IL1RAP: variants seen among roughly 807,000 people sequenced by gnomAD.
The protein encoded by IL1RAP is interleukin-1 receptor accessory protein.
In IL1RAP, 35 loss-of-function variants were observed where a neutral mutation model predicts 60.7. The observed-to-expected ratio is 0.58, with a 90% CI of 0.44 to 0.76. IL1RAP has a LOEUF of 0.76. Ranked by LOEUF, IL1RAP falls within the 30% of genes least tolerant of loss-of-function variation. The pLI, the probability that IL1RAP is intolerant of heterozygous loss-of-function variation, is 0.00. For synonymous variants in IL1RAP, 268 were observed against 250.9 expected, an observed-to-expected ratio of 1.07 and a Z score of -0.64; for missense variants, 572 against 693.9, an observed-to-expected ratio of 0.82 and a Z score of 1.97.
At position 190,620,869 on chromosome 3, in the gene IL1RAP, A is replaced by G. The variant is rs530317299; in HGVS notation, c.703+429A>G. Among the ~76,000 whole-genome samples the G allele has an allele frequency of 2.6e-5, 4 of 152,354 alleles. No individual in the cohort carries two copies. The East Asian group carries it at 7.7e-4, about 29-fold the overall frequency. On this transcript the variant is annotated intron_variant, in intron 6 of 11. Coordinates refer to ENST00000447382, the MANE Select transcript of IL1RAP (RefSeq NM_002182.4). ...GAGACTCAGTGCAACACTTTTGTCA[A>G]AAGAATGTTTTACTTGGATTAAGTA...
intron 9 of IL1RAP, among the ~76,000 whole-genome samples, chr3:190,632,502 CAAAT>C (rs1396053840): frequency 1.3e-5 from 2 of 152,190 alleles, no homozygotes; most frequent in Admixed American, 6.5e-5. Flanking sequence ...ATATATATCT[CAAAT>C]AAAAGTCCTG....
intron 3 of IL1RAP, among the ~76,000 whole-genome samples, chr3:190,570,307 A>G (rs1726800029): frequency 6.6e-6 from 1 of 152,232 alleles, no homozygotes; most frequent in Non-Finnish European, 1.5e-5. Context: ...GGGAATAATG[A>G]AAATGCAAGA....
chr3:190,541,722 A>C (rs1183039574), intron 1 of IL1RAP, among the ~76,000 whole-genome samples: 2 of 152,138 alleles, frequency 1.3e-5, no homozygotes, highest in Non-Finnish European at 2.9e-5. Context: ...ATTCATCCCC[A>C]GAATTTTTCA....
At chr3:190,655,824 A>G, downstream of IL1RAP, 1 of 1,187,890 alleles carries the variant, frequency 8.4e-7, no homozygotes, top group Non-Finnish European at 1.2e-6. Flanking sequence ...GAGGATGGAC[A>G]ATAACGAACT....
chr3:190,654,190 TCACACACACACACA>T (rs57074064), downstream of IL1RAP, among the ~76,000 whole-genome samples: 41 of 140,510 alleles, frequency 2.9e-4, no homozygotes, highest in Non-Finnish European at 4.8e-4. Flanking sequence ...AAACATCATA[TCACACACACACACA>T]CACACACACA....
intron 3 of IL1RAP, among the ~76,000 whole-genome samples, chr3:190,595,996 C>T (rs568736732): frequency 6.6e-6 from 1 of 152,314 alleles, no homozygotes; most frequent in African/African-American, 2.4e-5. Flanking sequence ...AACTCTCACA[C>T]AGCACTGTAA....
intron 3 of IL1RAP, among the ~76,000 whole-genome samples, chr3:190,565,156 C>G (rs2241344): frequency 0.23 from 33,899 of 150,588 alleles, 4,879 homozygotes; most frequent in African/African-American, 0.42. Flanking sequence ...CTTGGTTCAA[C>G]TGTAGGACTG....
intron 5 of IL1RAP, among the ~76,000 whole-genome samples, chr3:190,611,552 T>C (rs1730827207): frequency 6.6e-6 from 1 of 152,142 alleles, no homozygotes; most frequent in South Asian, 2.1e-4. Context: ...AGCATGCATA[T>C]ATAGGTGAAA....
intron 3 of IL1RAP, chr3:190,564,664 G>GAAAAAAAAAAA: frequency 6.7e-6 from 2 of 299,176 alleles, no homozygotes; most frequent in Non-Finnish European, 1.3e-5. Context: ...TCCTATGGGG[G>GAAAAAAAAAAA]AAAAATGGGA....
chr3:190,548,709 G>A (rs996998914), intron 1 of IL1RAP, among the ~76,000 whole-genome samples: 4 of 152,176 alleles, frequency 2.6e-5, no homozygotes, highest in Non-Finnish European at 5.9e-5. Flanking sequence ...TTTAGAAAAG[G>A]AATAGTTTAT....
At chr3:190,654,496 G>A (rs1367756348), downstream of IL1RAP, among the ~76,000 whole-genome samples, 2 of 152,120 alleles carry the variant, frequency 1.3e-5, no homozygotes, top group Non-Finnish European at 2.9e-5. Context: ...GAAACAAAAT[G>A]TCTCTAAAAA....
At chr3:190,534,834 CA>C (rs147106909) in intron 1 of IL1RAP, among the ~76,000 whole-genome samples, 1,719 of 149,542 alleles carry the variant, frequency 0.011, 35 homozygotes, top group African/African-American at 0.041. Flanking sequence ...AATAGTGTTC[CA>C]AATAACATTA....
At chr3:190,542,975 C>CA (rs1395421262) in intron 1 of IL1RAP, among the ~76,000 whole-genome samples, 1 of 145,562 alleles carries the variant, frequency 6.9e-6, no homozygotes, top group Admixed American at 7.2e-5. Context: ...TTAAATCAGA[C>CA]ATGTGAATCC....
intron 2 of IL1RAP, chr3:190,563,422 C>A (rs1430319796): frequency 6.6e-6 from 1 of 152,120 alleles, no homozygotes; most frequent in African/African-American, 2.4e-5. Context: ...GTATTTATAA[C>A]CCACAGAGGT....
At chr3:190,529,288 C>T (rs1032867118) in intron 1 of IL1RAP, among the ~76,000 whole-genome samples, 8 of 151,980 alleles carry the variant, frequency 5.3e-5, no homozygotes, top group East Asian at 3.9e-4. Context: ...CTGTAATCCC[C>T]GCACTTTGGG....
chr3:190,615,224 T>G, intron 5 of IL1RAP: 1 of 748,496 alleles, frequency 1.3e-6, no homozygotes, highest in South Asian at 1.5e-5. Context: ...AAACCATAGT[T>G]TGTAAGTGAT....
At chr3:190,593,696 A>T (rs907300117) in intron 3 of IL1RAP, among the ~76,000 whole-genome samples, 3 of 152,086 alleles carry the variant, frequency 2.0e-5, no homozygotes, top group African/African-American at 7.2e-5. Context: ...TGAGAACAGC[A>T]CAGGAAAGAC....
intron 5 of IL1RAP, among the ~76,000 whole-genome samples, chr3:190,618,996 A>G (rs1287517947): frequency 6.6e-6 from 1 of 152,232 alleles, no homozygotes; most frequent in East Asian, 1.9e-4. Flanking sequence ...AATCATACAA[A>G]CATTAAAGAT....
intron 1 of IL1RAP, chr3:190,555,907 TATAG>T (rs943721511): frequency 4.7e-4 from 70 of 149,218 alleles, no homozygotes; most frequent in Non-Finnish European, 7.1e-4. Flanking sequence ...AAATTATATA[TATAG>T]ATAGATAGAG....
Sources: allele counts gnomAD v4.1 joint callset (sites outside exome capture counted in the v4.1 genomes callset), GRCh38; gene constraint gnomAD v4.1.1; transcripts MANE v1.5; gene names NCBI Gene and HGNC (gene_info 2026-07-23, HGNC 2026-07-21).